Variants in ST18 observed in about 807,000 individuals in gnomAD.
The protein encoded by ST18 is suppression of tumorigenicity 18 protein.
ST18 carries 50 observed loss-of-function variants against 110.0 expected under a neutral mutation model. The observed-to-expected ratio is 0.45, with a 90% confidence interval of 0.36 to 0.58. ST18 has a LOEUF of 0.58. Among genes scored for constraint, ST18 ranks in the 20% least tolerant of loss-of-function variants. ST18 has a pLI of 0.00. For missense variants in ST18, 1,306 were observed against 1,280.1 expected, an observed-to-expected ratio of 1.02 and a Z score of -0.31; for synonymous variants, 461 against 452.4, an observed-to-expected ratio of 1.02 and a Z score of -0.24.
chr8:52,143,340 C>T (rs1019226911), intron 16 of ST18, among the ~76,000 whole-genome samples: 1 of 152,130 alleles, frequency 6.6e-6, no homozygotes, highest in Non-Finnish European at 1.5e-5. Flanking sequence ...CAAAAATTTG[C>T]TGGACGCTGT....
At chr8:52,302,611 C>A (rs2095744984) in intron 2 of ST18, among the ~76,000 whole-genome samples, 2 of 152,006 alleles carry the variant, frequency 1.3e-5, no homozygotes, top group Admixed American at 1.3e-4. Context: ...GAGGCAAGGG[C>A]AGAACAGTAC....
At chr8:52,155,047 C>G (rs754324259) in intron 15 of ST18, among the ~76,000 whole-genome samples, 1 of 151,082 alleles carries the variant, frequency 6.6e-6, no homozygotes, top group Non-Finnish European at 1.5e-5. Context: ...ACTAAAAATA[C>G]AAAAATTAGC....
chr8:52,364,589 C>T (rs1420140373), intron 2 of ST18, among the ~76,000 whole-genome samples: 1 of 152,204 alleles, frequency 6.6e-6, no homozygotes, highest in Non-Finnish European at 1.5e-5. Flanking sequence ...GCTCTATTAT[C>T]ATTATGACCA....
At chr8:52,308,978 T>C (rs1235923294) in intron 2 of ST18, among the ~76,000 whole-genome samples, 1 of 152,204 alleles carries the variant, frequency 6.6e-6, no homozygotes, top group Admixed American at 6.5e-5. Context: ...AAACATTAGC[T>C]AAGTGGCTAC....
In ST18 at chr8:52,176,706, A is replaced by G. The variant is rs993808471; in HGVS notation, c.277+3416T>C. On this transcript the variant is annotated intron_variant, in intron 9 of 25. Coordinates refer to ENST00000689386, the MANE Select transcript of ST18 (RefSeq NM_001352837.2). ...TTTTCTGGTAATCCTACAGATACATACTAATGAATCCCGGCATAGATGTTG... is the reference window on the plus strand; with the variant it reads ...TTTTCTGGTAATCCTACAGATACATGCTAATGAATCCCGGCATAGATGTTG... Among the ~76,000 whole-genome samples, 5 of 152,358 alleles carry G rather than the reference A, an allele frequency of 3.3e-5. 1 individual carries two copies. In the East Asian group the frequency reaches 9.6e-4, roughly 29 times the overall value.
chr8:52,161,270 T>G, intron 14 of ST18, 105 bp downstream of exon 14: 1 of 1,117,182 alleles, frequency 9.0e-7, no homozygotes, highest in South Asian at 1.7e-5. Context: ...GCCAGCTGTA[T>G]GTAGTATATC....
chr8:52,327,966 T>C (rs1807251556), intron 2 of ST18, among the ~76,000 whole-genome samples: 1 of 152,184 alleles, frequency 6.6e-6, no homozygotes, highest in African/African-American at 2.4e-5. Flanking sequence ...TCTTTATAGC[T>C]GAGATGGCTA....
intron 10 of ST18, among the ~76,000 whole-genome samples, chr8:52,170,935 C>T (rs1203330658): frequency 6.6e-6 from 1 of 152,178 alleles, no homozygotes; most frequent in Non-Finnish European, 1.5e-5. Flanking sequence ...TTGTAAGCTC[C>T]TTGGGTCCAC....
intron 16 of ST18, 127 bp downstream of exon 16, chr8:52,149,605 C>T (rs1407913689): frequency 1.5e-6 from 2 of 1,316,648 alleles, no homozygotes; most frequent in East Asian, 5.0e-5. Flanking sequence ...TTATCAAAAT[C>T]TAAAGCAAGG....
intron 2 of ST18, among the ~76,000 whole-genome samples, chr8:52,328,629 T>C (rs765032895): frequency 1.3e-5 from 2 of 152,194 alleles, no homozygotes; most frequent in Admixed American, 1.3e-4. Flanking sequence ...CATTATGTGC[T>C]CACTAGCACT....
intron 5 of ST18, among the ~76,000 whole-genome samples, chr8:52,220,254 T>C (rs1034810192): frequency 1.3e-5 from 2 of 152,196 alleles, no homozygotes; most frequent in African/African-American, 4.8e-5. Context: ...CTCCTTCATA[T>C]AGGGATAGAT....
chr8:52,192,964 G>A (rs1323016516), intron 8 of ST18, among the ~76,000 whole-genome samples: 5 of 152,090 alleles, frequency 3.3e-5, no homozygotes, highest in Non-Finnish European at 7.3e-5. Flanking sequence ...GTAGGGCTGG[G>A]GGCTTATTAC....
rs368727956 is a variant in ST18, at chr8:52,214,220, C to T, written c.38G>A (p.Arg13His). 44 of 1,613,868 alleles carry T rather than the reference C, an allele frequency of 2.7e-5. No individual in the cohort carries two copies. The highest frequency in any genetic ancestry group is 2.7e-4 in the African/African-American group (20 of 74,906). The stretch of plus-strand genomic sequence containing the variant: ...TAACTCACCCTCGGTTCCTTTAGAG[C>T]GAGTACGCAGCGTTTTATCTTCAGC... ...AEAEDKTLRT[R>H]SKGTEVPMDS... The change falls in exon 7 of 26, where the codon CGC becomes CAC. Residue 13 changes from arginine to histidine, a missense_variant. Transcript: ENST00000689386.
At chr8:52,400,591 A>G (rs985226569) in intron 2 of ST18, among the ~76,000 whole-genome samples, 14 of 151,512 alleles carry the variant, frequency 9.2e-5, no homozygotes, top group African/African-American at 3.4e-4. Context: ...TGTATTTGTT[A>G]TAGTTTTTTG....
chr8:52,276,337 T>C (rs1055687150), intron 2 of ST18, among the ~76,000 whole-genome samples: 11 of 140,514 alleles, frequency 7.8e-5, no homozygotes, highest in Middle Eastern at 4.0e-3. Context: ...ACCTCACACA[T>C]ACACATCATA....
intron 17 of ST18, among the ~76,000 whole-genome samples, chr8:52,139,459 G>A (rs796948759): frequency 2.0e-5 from 3 of 152,024 alleles, no homozygotes; most frequent in Non-Finnish European, 4.4e-5. Flanking sequence ...GGGCTCAAGC[G>A]ATTCTCCTGC....
intron 13 of ST18, among the ~76,000 whole-genome samples, chr8:52,162,558 T>C (rs1029226828): frequency 6.6e-6 from 1 of 152,328 alleles, no homozygotes; most frequent in East Asian, 1.9e-4. Context: ...ATTTTATCGA[T>C]TGAATTGCCA....
intron 15 of ST18, among the ~76,000 whole-genome samples, chr8:52,157,401 C>T (rs1184909429): frequency 6.6e-6 from 1 of 152,006 alleles, no homozygotes; most frequent in Non-Finnish European, 1.5e-5. Context: ...CCTGTATTCT[C>T]ATAGGACAGC....
intron 25 of ST18, among the ~76,000 whole-genome samples, chr8:52,115,090 A>G (rs1023794384): frequency 1.3e-5 from 2 of 152,106 alleles, no homozygotes; most frequent in African/African-American, 4.8e-5. Context: ...TACATTATTG[A>G]TTTTTTGGCT....
Sources: allele counts gnomAD v4.1 joint callset (sites outside exome capture counted in the v4.1 genomes callset), GRCh38; gene constraint gnomAD v4.1.1; transcripts MANE v1.5; gene names NCBI Gene and HGNC (gene_info 2026-07-23, HGNC 2026-07-21).